MCC: variants seen among roughly 807,000 people sequenced by gnomAD.
MCC encodes the protein colorectal mutant cancer protein.
Under a neutral mutation model 116.2 loss-of-function variants are expected in MCC, and 90 were observed. That is an observed-to-expected ratio of 0.77 (90% CI 0.65 to 0.92). MCC has a LOEUF of 0.92. MCC is among the 40% of genes least tolerant of loss of function. The probability of loss-of-function intolerance (pLI) is 0.00; values close to 1 mark genes in which losing one functional copy is unlikely to be tolerated. For synonymous variants in MCC, 578 were observed against 510.5 expected (o/e 1.13, Z -1.78); for missense variants, 1,516 against 1,312.2 (o/e 1.16, Z -2.40).
chr5:113,051,305 C>A, intron 15 of MCC, among the ~76,000 whole-genome samples: 1 of 151,900 alleles, frequency 6.6e-6, no homozygotes, highest in African/African-American at 2.4e-5. Context: ...GAAGAATGAG[C>A]GGATGCAAAA....
intron 3 of MCC, among the ~76,000 whole-genome samples, chr5:113,172,149 A>G (rs1761104183): frequency 6.6e-6 from 1 of 152,204 alleles, no homozygotes; most frequent in Admixed American, 6.5e-5. Flanking sequence ...CCCAATAGAC[A>G]CAGTTCAGCT....
rs1767635157 is a variant in MCC at position 113,329,157 on chromosome 5, CA to C, written c.627+11361del. ...TGAGGATTAAGCAAGATAATCTATG[CA>C]AAACAAGTGACACAATATGTAGTGT... On this transcript the variant is annotated intron_variant, in intron 3 of 18. Transcript: ENST00000408903. Among the ~76,000 whole-genome samples the C allele has an allele frequency of 2.6e-5, 4 of 152,274 alleles. No individual in the cohort carries two copies. In the South Asian group the frequency reaches 8.3e-4, roughly 32 times the overall value.
intron 3 of MCC, among the ~76,000 whole-genome samples, chr5:113,321,285 A>AC (rs1342309376): frequency 1.3e-5 from 2 of 152,146 alleles, no homozygotes; most frequent in African/African-American, 4.8e-5. Context: ...AAATAGGAAA[A>AC]CTTTTTTTTT....
chr5:113,195,578 A>T (rs1172484170), intron 3 of MCC, among the ~76,000 whole-genome samples: 1 of 152,148 alleles, frequency 6.6e-6, no homozygotes, highest in East Asian at 1.9e-4. Context: ...GACTCTGCAA[A>T]CTGACACAGC....
chr5:113,131,832 C>T (rs1364638108), intron 5 of MCC, among the ~76,000 whole-genome samples: 2 of 152,112 alleles, frequency 1.3e-5, no homozygotes, highest in Admixed American at 6.5e-5. Flanking sequence ...GTTCCCAGGC[C>T]CTCTTTGATT....
chr5:113,049,380 G>T (rs970202048), intron 15 of MCC, 81 bp from the exon 16 acceptor site: 7 of 1,271,790 alleles, frequency 5.5e-6, no homozygotes, highest in Admixed American at 5.0e-5. Context: ...GGTGGGTGGG[G>T]GGTCCCCGGC....
In MCC at chr5:113,174,690, A is replaced by T. The variant is rs1449657707; in HGVS notation, c.628-23268T>A. Among the ~76,000 whole-genome samples, 3 of 148,750 alleles carry T rather than the reference A, an allele frequency of 2.0e-5. No homozygotes were observed. In the East Asian group the frequency reaches 5.9e-4, roughly 29 times the overall value. ...TCCAATCACAGCTCACTGCAGCTTCAAACTCCCAGGCTCAAGCAATACTAA... is the reference window on the plus strand; with the variant it reads ...TCCAATCACAGCTCACTGCAGCTTCTAACTCCCAGGCTCAAGCAATACTAA... On this transcript the variant is annotated intron_variant, in intron 3 of 18. Coordinates refer to ENST00000408903, the MANE Select transcript of MCC (RefSeq NM_001085377.2).
At chr5:113,123,654 G>A (rs1757862102) in intron 5 of MCC, among the ~76,000 whole-genome samples, 1 of 152,166 alleles carries the variant, frequency 6.6e-6, no homozygotes, top group South Asian at 2.1e-4. Flanking sequence ...CAGAGCACGT[G>A]TACTGTCCCC....
chr5:113,429,540 A>C (rs944438954), intron 1 of MCC, among the ~76,000 whole-genome samples: 3 of 152,222 alleles, frequency 2.0e-5, no homozygotes, highest in Admixed American at 1.3e-4. Context: ...CTTATTCCTC[A>C]CAGATGCCTC....
At chr5:113,359,442 T>G (rs1768493381) in intron 2 of MCC, among the ~76,000 whole-genome samples, 1 of 152,224 alleles carries the variant, frequency 6.6e-6, no homozygotes, top group African/African-American at 2.4e-5. Context: ...TGGGAGATAT[T>G]TTAGAGACAA....
In MCC at chr5:113,174,430, A is replaced by T. The variant is rs1030631680; in HGVS notation, c.628-23008T>A. On this transcript the variant is annotated intron_variant, in intron 3 of 18. Coordinates refer to ENST00000408903, the MANE Select transcript of MCC (RefSeq NM_001085377.2). ...TTTACTAGTTTTAAGATATATTTAC[A>T]AAGATATTTATTATAGCAGTATAAT... Among the ~76,000 whole-genome samples, 12 of 152,290 alleles carry T rather than the reference A, an allele frequency of 7.9e-5. No homozygotes were observed. The South Asian group carries it at 2.1e-3, about 26-fold the overall frequency.
In MCC at chr5:113,029,057, C is replaced by A; in HGVS notation, c.2757-1G>T. The stretch of plus-strand genomic sequence containing the variant: ...AACTCTGGCCTTCAACTTCTTTTCT[C>A]TATATTAAAGGAGACAAAATATGCC... On this transcript the variant is annotated splice_acceptor_variant, in intron 17 of 18. Transcript: ENST00000408903. LOFTEE classifies it high-confidence loss of function. The A allele has an allele frequency of 6.2e-7, 1 of 1,612,116 alleles. No individual in the cohort carries two copies. Among genetic ancestry groups the A allele is most frequent in the Non-Finnish European group, 8.5e-7 (1 of 1,179,146 alleles).
intron 3 of MCC, among the ~76,000 whole-genome samples, chr5:113,183,271 G>T (rs1459691790): frequency 6.6e-6 from 1 of 152,206 alleles, no homozygotes; most frequent in Non-Finnish European, 1.5e-5. Context: ...GTGTGTGCGT[G>T]TGTGTTTGTG....
chr5:113,417,435 C>T (rs1244165450), intron 1 of MCC, among the ~76,000 whole-genome samples: 1 of 152,180 alleles, frequency 6.6e-6, no homozygotes, highest in Non-Finnish European at 1.5e-5. Flanking sequence ...GCTGTTATGG[C>T]TTTAACCATT....
chr5:113,264,922 G>T (rs906785725), intron 3 of MCC, among the ~76,000 whole-genome samples: 3 of 152,052 alleles, frequency 2.0e-5, no homozygotes, highest in African/African-American at 7.2e-5. Context: ...CATGCCTGTA[G>T]TCCCAGCTAC....
chr5:113,315,478 T>A (rs563100780), intron 3 of MCC, among the ~76,000 whole-genome samples: 1 of 152,188 alleles, frequency 6.6e-6, no homozygotes, highest in Admixed American at 6.5e-5. Context: ...TAAGTTCTGC[T>A]GCATACAGCC....
chr5:113,259,416 T>C (rs1765138969), intron 3 of MCC, among the ~76,000 whole-genome samples: 1 of 152,310 alleles, frequency 6.6e-6, no homozygotes, highest in Admixed American at 6.5e-5. Flanking sequence ...ATCTGCTTTA[T>C]GGGTTAGAAG....
intron 1 of MCC, among the ~76,000 whole-genome samples, chr5:113,469,210 C>T (rs1772006897): frequency 6.6e-6 from 1 of 152,116 alleles, no homozygotes; most frequent in South Asian, 2.1e-4. Flanking sequence ...TTAGTTATTT[C>T]TTGCCTTATG....
At chr5:113,252,744 G>C (rs1044164443) in intron 3 of MCC, among the ~76,000 whole-genome samples, 2 of 152,150 alleles carry the variant, frequency 1.3e-5, no homozygotes, top group Non-Finnish European at 2.9e-5. Flanking sequence ...ATTAGGGACT[G>C]CTGGTCTAGA....
Sources: gnomAD v4.1 joint callset for allele counts (sites outside exome capture counted in the v4.1 genomes callset) on GRCh38, gnomAD v4.1.1 for gene constraint, MANE v1.5 for transcripts, NCBI Gene and HGNC (gene_info 2026-07-23, HGNC 2026-07-21) for gene names.